The following IRAG1 variants were observed in gnomAD, a reference collection of about 807,000 sequenced individuals.
IRAG1 encodes the protein IP3R-associated cGMP kinase substrate.
IRAG1 carries 62 observed loss-of-function variants against 106.2 expected under a neutral mutation model. That is an observed-to-expected ratio of 0.58 (90% CI 0.48 to 0.72). The LOEUF (loss-of-function observed/expected upper bound fraction) is 0.72. Ranked by LOEUF, IRAG1 falls within the 30% of genes least tolerant of loss-of-function variation. The probability of loss-of-function intolerance (pLI) is 0.00; values close to 1 mark genes in which losing one functional copy is unlikely to be tolerated. For missense variants in IRAG1, 1,064 were observed against 1,140.7 expected (o/e 0.93, Z 0.97); for synonymous variants, 462 against 443.9 (o/e 1.04, Z -0.51).
Position 10,609,775 on chromosome 11 carries a change from A to G in IRAG1, c.1524T>C (p.Ser508=), listed in dbSNP as rs1314953548. The change falls in exon 11 of 21, where the codon TCT becomes TCC. Residue 508 remains serine (S), a synonymous_variant. Transcript: ENST00000423302. ...KSGLDVMPNI[S]DVLLRKLRVH... ...CCCGCAGTTTGCGCAGCAGCACATCAGAAATATTAGGCATGACATCTAAGC... is the reference window on the plus strand; with the variant it reads ...CCCGCAGTTTGCGCAGCAGCACATCGGAAATATTAGGCATGACATCTAAGC... 4 of 1,613,846 alleles carry G rather than the reference A, an allele frequency of 2.5e-6. No individual in the cohort carries two copies. Among genetic ancestry groups the G allele is most frequent in the Non-Finnish European group, 3.4e-6 (4 of 1,179,876 alleles).
chr11:10,593,664 C>T, intron 16 of IRAG1, 65 bp from the exon 17 acceptor site: 1 of 1,277,424 alleles, frequency 7.8e-7, no homozygotes, highest in East Asian at 2.4e-5. Flanking sequence ...TTCAGAAGGG[C>T]TGGGAAAAAG....
At chr11:10,667,999 C>T (rs1278259581) in intron 1 of IRAG1, among the ~76,000 whole-genome samples, 2 of 152,202 alleles carry the variant, frequency 1.3e-5, no homozygotes, top group Non-Finnish European at 2.9e-5. Context: ...CAGCCACTAA[C>T]ACCAAGGTAT....
intron 1 of IRAG1, among the ~76,000 whole-genome samples, chr11:10,654,107 A>T (rs35508216): frequency 6.6e-6 from 1 of 152,072 alleles, no homozygotes; most frequent in Non-Finnish European, 1.5e-5. Context: ...AGGAGGAAGA[A>T]CCGGAAAGCC....
Position 10,620,321 on chromosome 11 carries a change from C to T in IRAG1, c.1447+3457G>A, listed in dbSNP as rs1258568078. ...ACAATTCCTCTAAAATAACACAAAACGTATTAAAAAGCAAAAAAAAGATTG... is the reference window on the plus strand; with the variant it reads ...ACAATTCCTCTAAAATAACACAAAATGTATTAAAAAGCAAAAAAAAGATTG... On this transcript the variant is annotated intron_variant, in intron 10 of 20. Transcript: ENST00000423302. Among the ~76,000 whole-genome samples the T allele has an allele frequency of 7.9e-5, 12 of 151,150 alleles. No homozygotes were observed. The East Asian group carries it at 2.1e-3, about 27-fold the overall frequency.
chr11:10,593,981 G>C, intron 16 of IRAG1, 165 bp downstream of exon 16: 1 of 656,542 alleles, frequency 1.5e-6, no homozygotes, highest in Non-Finnish European at 2.7e-6. Context: ...AGCAAGAAAG[G>C]TAAGATGTCA....
intron 15 of IRAG1, chr11:10,595,860 C>T (rs1853246138): frequency 6.6e-6 from 1 of 152,182 alleles, no homozygotes; most frequent in African/African-American, 2.4e-5. Flanking sequence ...TTTCCACCCT[C>T]AAGTAGGCCT....
intron 18 of IRAG1, among the ~76,000 whole-genome samples, chr11:10,589,591 C>A: frequency 6.6e-6 from 1 of 152,144 alleles, no homozygotes; most frequent in East Asian, 1.9e-4. Context: ...AAATGGAAAT[C>A]ACTTAACATC....
chr11:10,604,516 A>G lies in IRAG1; in HGVS notation c.1632T>C (p.Phe544=). Residue 544 remains phenylalanine (F), a synonymous_variant, in exon 13 of 21, where the codon TTT becomes TTC. Transcript: ENST00000423302. ...ENVFVQLSLA[F]RNDSYTLESR... is the part of the protein sequence containing the mutation. ...ATTCCAGAGTGTAGCTGTCATTTCT[A>G]AAGGCCAAGGACAGTTGCACAAACA... 1 of 1,614,050 alleles carries G rather than the reference A, an allele frequency of 6.2e-7. No homozygotes were observed. The highest frequency in any genetic ancestry group is 1.1e-5 in the South Asian group (1 of 91,086).
At chr11:10,634,225 G>A (rs1856959700) in intron 2 of IRAG1, among the ~76,000 whole-genome samples, 154 bp from the exon 3 acceptor site, 1 of 152,110 alleles carries the variant, frequency 6.6e-6, no homozygotes, top group Non-Finnish European at 1.5e-5. Context: ...GCTTTATTGA[G>A]GTATAGTTGA....
chr11:10,661,277 T>C (rs16908122), intron 1 of IRAG1, among the ~76,000 whole-genome samples: 5,329 of 152,234 alleles, frequency 0.035, 334 homozygotes, highest in African/African-American at 0.12. Flanking sequence ...CCTCCTTCTA[T>C]ACTTTATGGG....
intron 3 of IRAG1, among the ~76,000 whole-genome samples, chr11:10,633,360 C>G (rs1242145889): frequency 6.6e-6 from 1 of 152,176 alleles, no homozygotes; most frequent in Non-Finnish European, 1.5e-5. Context: ...CAGGCATGAG[C>G]CACTGCGCCC....
intron 18 of IRAG1, 133 bp downstream of exon 18, chr11:10,591,415 C>T (rs1442271177): frequency 4.9e-6 from 4 of 819,862 alleles, no homozygotes; most frequent in African/African-American, 1.7e-5. Context: ...GGGTTTCAGA[C>T]TCCCATTCAT....
At position 10,582,034 on chromosome 11, in the gene IRAG1, G is replaced by A. The variant is rs777084014; in HGVS notation, c.2241-48C>T. 2.5e-6 allele frequency: 4 copies of A among 1,570,216 alleles called. No individual in the cohort carries two copies. In the South Asian group the frequency reaches 4.6e-5, roughly 18 times the overall value. On this transcript the variant is annotated intron_variant, in intron 18 of 20. Coordinates refer to ENST00000423302, the MANE Select transcript of IRAG1 (RefSeq NM_130385.4). Reference sequence around the variant, plus strand: ...GGGCATCATTTCAGAAAAAGGTGGAGGCCTAAAAACAAAACCATGTTTTTG... The same window carrying A: ...GGGCATCATTTCAGAAAAAGGTGGAAGCCTAAAAACAAAACCATGTTTTTG...
At chr11:10,604,634 C>A in intron 12 of IRAG1, 89 bp from the exon 13 acceptor site, 1 of 1,507,444 alleles carries the variant, frequency 6.6e-7, no homozygotes, top group Middle Eastern at 2.1e-4. Context: ...GAGCGTTTTG[C>A]AACGGCCCCT....
chr11:10,604,743 G>A lies in IRAG1; in HGVS notation c.1603-198C>T, dbSNP rs112928980. On this transcript the variant is annotated intron_variant, in intron 12 of 20. Transcript: ENST00000423302. Reference sequence around the variant, plus strand: ...TGGTAAAGCAGGGACCAAGGTCCACGCTAGGCCCTTCCCAGAACCGGAGGT... The same window carrying A: ...TGGTAAAGCAGGGACCAAGGTCCACACTAGGCCCTTCCCAGAACCGGAGGT... 1.3e-3 allele frequency among the ~76,000 whole-genome samples: 204 copies of A among 152,336 alleles called. 1 individual carries two copies. Among genetic ancestry groups the A allele is most frequent in the African/African-American group, 4.6e-3 (190 of 41,590 alleles).
intron 2 of IRAG1, among the ~76,000 whole-genome samples, chr11:10,639,238 T>C (rs1290871124): frequency 2.6e-5 from 4 of 152,210 alleles, no homozygotes; most frequent in African/African-American, 7.2e-5. Context: ...TTTTTAATCT[T>C]ATTGACACTA....
At chr11:10,622,001 A>G (rs775524625) in intron 10 of IRAG1, among the ~76,000 whole-genome samples, 1 of 152,190 alleles carries the variant, frequency 6.6e-6, no homozygotes, top group Non-Finnish European at 1.5e-5. Context: ...TCAGTTTGCA[A>G]TGATGAAAAC....
intron 18 of IRAG1, among the ~76,000 whole-genome samples, chr11:10,587,567 C>T (rs1852154968): frequency 6.6e-6 from 1 of 152,180 alleles, no homozygotes; most frequent in Admixed American, 6.5e-5. Flanking sequence ...GGAATTTACC[C>T]TGGGTGCTTC....
chr11:10,652,073 G>C lies in IRAG1; in HGVS notation c.177C>G (p.Asp59Glu), dbSNP rs375512946. The change falls in exon 2 of 21, where the codon GAC (aspartate) becomes GAG (glutamate). Residue 59 changes from aspartate (D) to glutamate (E), a missense_variant. Transcript: ENST00000423302. The part of the protein sequence containing the change: ...QEAAMPHIPE[D>E]EEPPGEPQAA... Reference sequence around the variant, plus strand: ...CCTGTGGCTCTCCGGGGGGCTCCTCGTCCTCGGGAATGTGGGGCATGGCAG... The same window carrying C: ...CCTGTGGCTCTCCGGGGGGCTCCTCCTCCTCGGGAATGTGGGGCATGGCAG... 1.8e-5 allele frequency: 28 copies of C among 1,599,690 alleles called. No homozygotes were observed. Among genetic ancestry groups the C allele is most frequent in the Non-Finnish European group, 2.2e-5 (26 of 1,173,832 alleles).
Sources: allele counts gnomAD v4.1 joint callset (sites outside exome capture counted in the v4.1 genomes callset), GRCh38; gene constraint gnomAD v4.1.1; transcripts MANE v1.5; gene names NCBI Gene and HGNC (gene_info 2026-07-23, HGNC 2026-07-21).